The following ARHGEF17 variants were observed in gnomAD, a reference collection of about 807,000 sequenced individuals.
ARHGEF17 encodes 164 kDa Rho-specific guanine-nucleotide exchange factor.
A neutral mutation model predicts 174.0 loss-of-function variants in ARHGEF17; 80 were observed. That is an observed-to-expected ratio of 0.46 (90% confidence interval 0.38 to 0.55). ARHGEF17 has a LOEUF of 0.55. ARHGEF17 is among the 20% of genes least tolerant of loss of function. The pLI, the probability that ARHGEF17 is intolerant of heterozygous loss-of-function variation, is 0.00. For missense variants in ARHGEF17, 2,886 were observed against 2,839.7 expected (o/e 1.02, Z -0.37); for synonymous variants, 1,311 against 1,189.1 (o/e 1.10, Z -2.11).
chr11:73,360,094 C>T (rs1248345845), intron 10 of ARHGEF17, 142 bp downstream of exon 10: 5 of 933,194 alleles, frequency 5.4e-6, no homozygotes, highest in Non-Finnish European at 6.3e-6. Context: ...AGCCTCCCTG[C>T]GTATGGGGGA....
Position 73,362,715 on chromosome 11 carries a change from C to T in ARHGEF17, c.4977C>T (p.Thr1659=). 2.5e-6 allele frequency: 4 copies of T among 1,604,356 alleles called. No homozygotes were observed. The highest frequency in any genetic ancestry group is 3.4e-6 in the Non-Finnish European group (4 of 1,176,886). ...GTLQSQASRS[T]ISSSFGNEET... ...TGCAGAGCCAGGCCAGCCGGTCCAC[C>T]ATCTCCTCCAGCTTTGGCAGTGAGC... The change falls in exon 14 of 21, where the codon ACC becomes ACT. Residue 1659 remains threonine (T), a synonymous_variant. Transcript: ENST00000263674.
At chr11:73,364,752 CTCCTTCGA>C in intron 18 of ARHGEF17, 152 bp downstream of exon 18, 1 of 923,904 alleles carries the variant, frequency 1.1e-6, no homozygotes, top group Non-Finnish European at 1.6e-6. Context: ...AGTCCCTGTC[CTCCTTCGA>C]TCCTCATTTC....
intron 1 of ARHGEF17, among the ~76,000 whole-genome samples, chr11:73,337,345 T>C (rs983616148): frequency 1.4e-5 from 2 of 146,970 alleles, no homozygotes; most frequent in African/African-American, 5.1e-5. Context: ...AGTTTGAGGT[T>C]GCAGTGAGCT....
At chr11:73,323,925 G>T (rs1865059841) in intron 1 of ARHGEF17, among the ~76,000 whole-genome samples, 2 of 152,186 alleles carry the variant, frequency 1.3e-5, no homozygotes, top group Non-Finnish European at 2.9e-5. Flanking sequence ...TCTCATGGAG[G>T]CTCCCTGCTT....
In ARHGEF17 at chr11:73,310,261, G is replaced by A; in HGVS notation, c.1623G>A (p.Leu541=). The change falls in exon 1 of 21, where the codon CTG becomes CTA. Residue 541 remains leucine (L), a synonymous_variant. Coordinates refer to ENST00000263674, the MANE Select transcript of ARHGEF17 (RefSeq NM_014786.4). The part of the protein sequence containing the change: ...RPTLKDLTAT[L]RRAKSFTCSE... ...CACTCAAGGACTTGACAGCCACTCTGCGGAGAGCAAAGTCATTCACCTGCT... is the reference window on the plus strand; with the variant it reads ...CACTCAAGGACTTGACAGCCACTCTACGGAGAGCAAAGTCATTCACCTGCT... 6.2e-7 allele frequency: 1 copy of A among 1,614,042 alleles called. No homozygotes were observed.
At chr11:73,321,456 A>G (rs984866663) in intron 1 of ARHGEF17, among the ~76,000 whole-genome samples, 18 of 152,178 alleles carry the variant, frequency 1.2e-4, no homozygotes, top group Non-Finnish European at 2.2e-4. Flanking sequence ...TCAGACTGAT[A>G]AGGGTTAAAA....
Position 73,365,031 on chromosome 11 carries a change from C to T in ARHGEF17, c.5551-359C>T, listed in dbSNP as rs1343534395. The T allele has an allele frequency of 3.1e-6, 1 of 322,284 alleles. No homozygotes were observed. Among genetic ancestry groups the T allele is most frequent in the Non-Finnish European group, 5.7e-6 (1 of 174,294 alleles). The allele number at this position is 322,284 out of a possible 1,614,324, so 20.0% of individuals were successfully genotyped here. The stretch of plus-strand genomic sequence containing the variant: ...ATTCCATTGTTGGCTGGGCAGGAGT[C>T]CAAAGCCCTGGGTTCAGGCCCCAGC... On this transcript the variant is annotated intron_variant, in intron 18 of 20. Coordinates refer to ENST00000263674, the MANE Select transcript of ARHGEF17 (RefSeq NM_014786.4). This position sits in a 1 kb window ranked among gnomAD's most constrained non-coding sequence, Gnocchi z 4.9.
At chr11:73,358,489 C>T (rs1358639963) in intron 9 of ARHGEF17, among the ~76,000 whole-genome samples, 2 of 128,586 alleles carry the variant, frequency 1.6e-5, no homozygotes, top group Non-Finnish European at 3.1e-5. Flanking sequence ...GACGGAGTCT[C>T]ACTCTGTTGC....
intron 1 of ARHGEF17, among the ~76,000 whole-genome samples, chr11:73,321,460 G>A (rs902431603): frequency 2.0e-5 from 3 of 152,214 alleles, no homozygotes; most frequent in African/African-American, 7.2e-5. Context: ...ACTGATAAGG[G>A]TTAAAATCAC....
intron 1 of ARHGEF17, chr11:73,343,183 C>G (rs1278863315): frequency 2.5e-6 from 1 of 397,764 alleles, no homozygotes; most frequent in African/African-American, 2.1e-5. Flanking sequence ...TTCACCATCG[C>G]GCTGGAAGAC....
rs748439948 is a variant in ARHGEF17 at position 73,352,997 on chromosome 11, C to T, written c.3438C>T (p.Ala1146=). ...QTWHAQQKVG[A]LLVQSFSKDV... ...GGCATGCCCAGCAGAAGGTGGGAGC[C>T]CTGCTCGTCCAGTCGGTGAGTGGCC... The change falls in exon 3 of 21, where the codon GCC becomes GCT. Residue 1146 remains alanine (A), a synonymous_variant. Coordinates refer to ENST00000263674, the MANE Select transcript of ARHGEF17 (RefSeq NM_014786.4). 3.1e-6 allele frequency: 5 copies of T among 1,613,792 alleles called. No homozygotes were observed. In the South Asian group the frequency reaches 5.5e-5, roughly 18 times the overall value.
intron 2 of ARHGEF17, among the ~76,000 whole-genome samples, chr11:73,349,476 G>A (rs1380320830): frequency 6.6e-6 from 1 of 152,116 alleles, no homozygotes; most frequent in Non-Finnish European, 1.5e-5. Flanking sequence ...TCAGCTGGGT[G>A]TGGTGGCAGG....
chr11:73,345,029 G>T (rs1447490398), intron 1 of ARHGEF17, among the ~76,000 whole-genome samples: 3 of 152,244 alleles, frequency 2.0e-5, no homozygotes, highest in African/African-American at 7.2e-5. Flanking sequence ...GACCATGTCT[G>T]TGGGGTGCTG....
chr11:73,317,336 C>T (rs1227499496), intron 1 of ARHGEF17, among the ~76,000 whole-genome samples: 1 of 152,210 alleles, frequency 6.6e-6, no homozygotes, highest in Non-Finnish European at 1.5e-5. Context: ...CCATCTGATC[C>T]TCCAGCTACG....
chr11:73,310,944 TC>T lies in ARHGEF17; in HGVS notation c.2309del (p.Pro770LeufsTer10). On this transcript the variant is annotated frameshift_variant, in exon 1 of 21. Transcript: ENST00000263674. LOFTEE classifies it high-confidence loss of function. ...GGCTCACTGAGCCCCAAGACAGGGC[TC>T]CCTGCCACCTCAGCCATGGATGAGG... ...LLGSLSPKTG[L>X]PATSAMDEGL... The T allele has an allele frequency of 6.2e-7, 1 of 1,613,976 alleles. No homozygotes were observed. The highest frequency in any genetic ancestry group is 8.5e-7 in the Non-Finnish European group (1 of 1,179,984).
intron 1 of ARHGEF17, among the ~76,000 whole-genome samples, chr11:73,329,654 C>T (rs961010224): frequency 2.6e-5 from 4 of 152,058 alleles, no homozygotes; most frequent in African/African-American, 7.3e-5. Flanking sequence ...CCTGCCTCAG[C>T]CTCCCAAAGT....
In ARHGEF17 at chr11:73,308,659, G is replaced by A; in HGVS notation, c.21G>A (p.Arg7=). The change falls in exon 1 of 21, where the codon CGG becomes CGA. Residue 7 remains arginine, a synonymous_variant. Transcript: ENST00000263674. ...CCACTATGGCGGACGGGGCACCCCG[G>A]CCCCAGCTTTACCGCAGCGTCTCGT... The part of the protein sequence containing the change: MADGAP[R]PQLYRSVSFK... The A allele has an allele frequency of 1.3e-6, 2 of 1,511,326 alleles. No individual in the cohort carries two copies. Among genetic ancestry groups the A allele is most frequent in the Non-Finnish European group, 1.8e-6 (2 of 1,133,560 alleles). The allele number at this position is 1,511,326 out of a possible 1,614,324, so 93.6% of individuals were successfully genotyped here.
chr11:73,351,512 A>C (rs1358756769), intron 2 of ARHGEF17, among the ~76,000 whole-genome samples: 1 of 152,200 alleles, frequency 6.6e-6, no homozygotes, highest in Admixed American at 6.5e-5. Flanking sequence ...AGCGTTCAGA[A>C]AGTGTCAATA....
intron 1 of ARHGEF17, among the ~76,000 whole-genome samples, chr11:73,313,924 C>T (rs1203189283): frequency 1.3e-5 from 2 of 152,218 alleles, no homozygotes; most frequent in Non-Finnish European, 2.9e-5. Context: ...AAAATGGAGG[C>T]TGCACTGCCC....
Sources: gnomAD v4.1 joint callset for allele counts (sites outside exome capture counted in the v4.1 genomes callset) on GRCh38, gnomAD v4.1.1 for gene constraint, Gnocchi (gnomAD v3.1) non-coding constraint, MANE v1.5 for transcripts, NCBI Gene and HGNC (gene_info 2026-07-23, HGNC 2026-07-21) for gene names.